The following ADCY6 variants were observed in gnomAD, a reference collection of about 807,000 sequenced individuals.
The protein encoded by ADCY6 is adenylate cyclase 6.
ADCY6 carries 59 observed loss-of-function variants against 111.6 expected under a neutral mutation model. That is an observed-to-expected ratio of 0.53 (90% CI 0.43 to 0.66). The LOEUF is 0.66. ADCY6 is among the 30% of genes least tolerant of loss of function. The pLI, the probability that ADCY6 is intolerant of heterozygous loss-of-function variation, is 0.00. For missense variants in ADCY6, 1,242 were observed against 1,595.6 expected, an observed-to-expected ratio of 0.78 and a Z score of 3.78; for synonymous variants, 576 against 642.9, an observed-to-expected ratio of 0.90 and a Z score of 1.57.
At position 48,776,705 on chromosome 12, in the gene ADCY6, G is replaced by T; in HGVS notation, c.1377-119C>A. 1 of 1,318,866 alleles carries T rather than the reference G, an allele frequency of 7.6e-7. No individual in the cohort carries two copies. The allele number at this position is 1,318,866 out of a possible 1,614,324, so 81.7% of individuals were successfully genotyped here. A position where few individuals can be genotyped will look rare whatever the true frequency, so the allele number is the denominator to read the frequency against. Reference sequence around the variant, plus strand: ...AAGGACAGACCCAGATGCAGGGGACGGGAGCACAGCCTTGGTTGGACATGA... The same window carrying T: ...AAGGACAGACCCAGATGCAGGGGACTGGAGCACAGCCTTGGTTGGACATGA... On this transcript the variant is annotated intron_variant, in intron 6 of 21. Transcript: ENST00000357869. The surrounding 1 kb of genome is among the most constrained non-coding windows in gnomAD (Gnocchi z 6.1).
In ADCY6 at chr12:48,775,048, G is replaced by T. The variant is rs116786357; in HGVS notation, c.1987C>A (p.Arg663=). ...GCTCCGAAGCGGGGATCCACCTTCC[G>T]GGAGTACTGAGGGAGAGGAGGCTGA... is the stretch of plus-strand genomic sequence containing the variant. ...QREDLEKKYS[R]KVDPRFGAYV... The change falls in exon 12 of 22, where the codon CGG becomes AGG. Residue 663 remains arginine (R), a synonymous_variant. Transcript: ENST00000357869. 1.3e-6 allele frequency: 2 copies of T among 1,554,474 alleles called. No individual in the cohort carries two copies. The highest frequency in any genetic ancestry group is 1.7e-4 in the Middle Eastern group (1 of 5,990).
In ADCY6 at chr12:48,775,948, C is replaced by T. The variant is rs1326113713; in HGVS notation, c.1806+15G>A. The T allele has an allele frequency of 3.1e-6, 5 of 1,591,204 alleles. No individual in the cohort carries two copies. The highest frequency in any genetic ancestry group is 3.4e-6 in the Non-Finnish European group (4 of 1,169,142). ...AGAAAATGAGGCCCTAGGTCTGGTGCTGAGGGCCCCTCACCATCTGGCGGA... is the reference window on the plus strand; with the variant it reads ...AGAAAATGAGGCCCTAGGTCTGGTGTTGAGGGCCCCTCACCATCTGGCGGA... On this transcript the variant is annotated intron_variant, in intron 9 of 21. Transcript: ENST00000357869.
chr12:48,779,571 C>G (rs931572344), intron 2 of ADCY6, among the ~76,000 whole-genome samples: 1 of 152,092 alleles, frequency 6.6e-6, no homozygotes, highest in African/African-American at 2.4e-5. Context: ...ACACTCAGCC[C>G]TGCCAGGCCC....
At position 48,776,402 on chromosome 12, in the gene ADCY6, C is replaced by G. The variant is rs747338752; in HGVS notation, c.1535+26G>C. 4.6e-6 allele frequency: 7 copies of G among 1,513,400 alleles called. No homozygotes were observed. The East Asian group carries it at 1.6e-4, about 35-fold the overall frequency. 93.7% of individuals were successfully genotyped at this position (1,513,400 alleles called of 1,614,324 possible). ...CTGGCTCTCCCACCTTGCCCCCATC[C>G]CCCCCACCTGGACCCCCCTACTCAC... On this transcript the variant is annotated intron_variant, in intron 7 of 21. Coordinates refer to ENST00000357869, the MANE Select transcript of ADCY6 (RefSeq NM_015270.5). This position sits in a 1 kb window ranked among gnomAD's most constrained non-coding sequence, Gnocchi z 6.1.
At position 48,783,307 on chromosome 12, in the gene ADCY6, T is replaced by C. The variant is rs1191602870; in HGVS notation, c.128A>G (p.Tyr43Cys). The C allele has an allele frequency of 4.3e-6, 7 of 1,613,440 alleles. No homozygotes were observed. In the East Asian group the frequency reaches 8.9e-5, roughly 21 times the overall value. Residue 43 changes from tyrosine to cysteine, a missense_variant, in exon 2 of 22, where the codon TAT becomes TGT. Tyr to Cys is a radical substitution (Grantham distance 194). Around this residue, in one of 4 missense-constraint regions of ADCY6, gnomAD observed 362 missense variants for 377.2 expected, o/e 0.96. Transcript: ENST00000357869. ...TRAGGFCTPR[Y>C]MSCLRDAEPP... ...CTCTGCATCCCGGAGGCAGCTCATA[T>C]AGCGGGGCGTGCAGAAGCCACCTGC...
Position 48,776,443 on chromosome 12 carries a change from G to C in ADCY6, c.1520C>G (p.Ala507Gly), listed in dbSNP as rs766490509. ...CCCTACTCACCCAGCCCGGCCTCCT[G>C]CCTCCATGTGGTTGGCCAGGGTCAC... ...NDVTLANHME[A>G]GGRAGRIHIT... The change falls in exon 7 of 22, where the codon GCA becomes GGA. Residue 507 changes from alanine (A) to glycine (G), a missense_variant. Around this residue, in one of 4 missense-constraint regions of ADCY6, gnomAD observed 260 missense variants for 414.6 expected, o/e 0.63. Transcript: ENST00000357869. The surrounding 1 kb of genome is among the most constrained non-coding windows in gnomAD (Gnocchi z 6.1). 1 of 1,601,802 alleles carries C rather than the reference G, an allele frequency of 6.2e-7. No individual in the cohort carries two copies. Among genetic ancestry groups the C allele is most frequent in the East Asian group, 2.2e-5 (1 of 44,572 alleles).
Position 48,773,540 on chromosome 12 carries a change from C to T in ADCY6, c.2550G>A (p.Leu850=), listed in dbSNP as rs752689257. The T allele has an allele frequency of 6.2e-7, 1 of 1,614,086 alleles. No homozygotes were observed. ...AMIFVLGLIY[L]VLLLLGPPAT... is the part of the protein sequence containing the mutation. ...CTGGGGGACCCAGCAGAAGCAGCAC[C>T]AAATAGATGAGCCCCAAGACAAAGA... Residue 850 remains leucine (L), a synonymous_variant, in exon 16 of 22, where the codon TTG becomes TTA. Transcript: ENST00000357869.
chr12:48,769,482 G>A (rs569025356), intron 20 of ADCY6, among the ~76,000 whole-genome samples: 2 of 150,556 alleles, frequency 1.3e-5, no homozygotes, highest in African/African-American at 4.9e-5. Context: ...CCTCAGTTTA[G>A]GAGCTCCCCT....
In ADCY6 at chr12:48,776,099, G is replaced by A. The variant is rs1254970521; in HGVS notation, c.1678-8C>T. ...CATGGCCTTCTCCTCTTTCTGTGCG[G>A]GCAGCATGGGTACAGGCTCAGAAGA... On this transcript the variant is annotated splice_polypyrimidine_tract_variant and splice_region_variant and intron_variant, in intron 8 of 21. Coordinates refer to ENST00000357869, the MANE Select transcript of ADCY6 (RefSeq NM_015270.5). This position sits in a 1 kb window ranked among gnomAD's most constrained non-coding sequence, Gnocchi z 6.1. The A allele has an allele frequency of 3.1e-6, 5 of 1,613,780 alleles. No homozygotes were observed. Among genetic ancestry groups the A allele is most frequent in the Non-Finnish European group, 4.2e-6 (5 of 1,179,838 alleles).
chr12:48,781,751 A>G (rs1003096399), intron 2 of ADCY6, among the ~76,000 whole-genome samples: 1 of 152,168 alleles, frequency 6.6e-6, no homozygotes, highest in African/African-American at 2.4e-5. Context: ...GATCCCACAG[A>G]AAAGAATACA....
In ADCY6 at chr12:48,771,109, TG is replaced by T. The variant is rs1941528544; in HGVS notation, c.3052-140del. On this transcript the variant is annotated intron_variant, in intron 19 of 21. Transcript: ENST00000357869. This position sits in a 1 kb window ranked among gnomAD's most constrained non-coding sequence, Gnocchi z 4.3. ...GCCCCCTTCCAGCTGCTGCTATCAG[TG>T]TAAGACTGAGGAGCTGGGAAAACAG... 1 of 852,516 alleles carries T rather than the reference TG, an allele frequency of 1.2e-6. No individual in the cohort carries two copies. Among genetic ancestry groups the T allele is most frequent in the African/African-American group, 1.7e-5 (1 of 59,154 alleles). The allele number at this position is 852,516 out of a possible 1,614,324, so 52.8% of individuals were successfully genotyped here.
intron 1 of ADCY6, among the ~76,000 whole-genome samples, chr12:48,787,537 C>T: frequency 6.6e-6 from 1 of 152,146 alleles, no homozygotes; most frequent in South Asian, 2.1e-4. Context: ...TTTCTGGCAC[C>T]CCATGCCAGA....
In ADCY6 at chr12:48,778,167, G is replaced by T; in HGVS notation, c.955C>A (p.Gln319Lys). 2 of 1,614,084 alleles carry T rather than the reference G, an allele frequency of 1.2e-6. No individual in the cohort carries two copies. The highest frequency in any genetic ancestry group is 2.2e-5 in the East Asian group (1 of 44,872). The change falls in exon 3 of 22, where the codon CAG (glutamine) becomes AAG (lysine). Residue 319 changes from glutamine (Q) to lysine (K), a missense_variant. Physicochemically the swap from Gln to Lys is moderately conservative, Grantham distance 53. Transcript: ENST00000357869. ...GCCTGGATGTAACCGCGGGTCTCCT[G>T]AAAGGCCTGGCGCTGAGACACCTCT... ...PAEVSQRQAF[Q>K]ETRGYIQARL... is the part of the protein sequence containing the mutation.
intron 1 of ADCY6, among the ~76,000 whole-genome samples, chr12:48,785,919 T>C (rs1001328454): frequency 6.6e-6 from 1 of 152,190 alleles, no homozygotes; most frequent in Non-Finnish European, 1.5e-5. Flanking sequence ...CCACATTTCC[T>C]GGAGGAAATG....
intron 10 of ADCY6, 79 bp from the exon 11 acceptor site, chr12:48,775,529 C>A: frequency 6.3e-7 from 1 of 1,595,170 alleles, no homozygotes; most frequent in East Asian, 2.2e-5. Context: ...GTATGGACAG[C>A]ACCTGAGGGA....
Position 48,776,054 on chromosome 12 carries a change from G to T in ADCY6, c.1715C>A (p.Thr572Asn). 2 of 1,613,646 alleles carry T rather than the reference G, an allele frequency of 1.2e-6. No individual in the cohort carries two copies. The highest frequency in any genetic ancestry group is 1.7e-6 in the Non-Finnish European group (2 of 1,179,744). ...CAGCCCTTCCATGGAGTTGGCCCGA[G>T]TCCGCTGCAGCTTGGCCAGCATGGC... is the stretch of plus-strand genomic sequence containing the variant. ...EKAMLAKLQR[T>N]RANSMEGLMP... The change falls in exon 9 of 22, where the codon ACT (threonine) becomes AAT (asparagine). Residue 572 changes from threonine (T) to asparagine (N), a missense_variant. Coordinates refer to ENST00000357869, the MANE Select transcript of ADCY6 (RefSeq NM_015270.5). This position sits in a 1 kb window ranked among gnomAD's most constrained non-coding sequence, Gnocchi z 6.1.
chr12:48,770,204 T>C (rs1263550561), intron 20 of ADCY6, among the ~76,000 whole-genome samples: 1 of 151,918 alleles, frequency 6.6e-6, no homozygotes, highest in Non-Finnish European at 1.5e-5. Flanking sequence ...GCGCCCGGCA[T>C]GGCTTCATCC....
chr12:48,788,485 G>C (rs1942022717), intron 1 of ADCY6, among the ~76,000 whole-genome samples: 1 of 151,956 alleles, frequency 6.6e-6, no homozygotes. Context: ...GGAAGGAGAG[G>C]GACTCCCGCA....
intron 20 of ADCY6, 34 bp downstream of exon 20, chr12:48,770,732 T>C: frequency 6.2e-7 from 1 of 1,603,820 alleles, no homozygotes. Context: ...GAAAAAGTCC[T>C]GGGAAAACCC....
Sources: gnomAD v4.1 joint callset for allele counts (sites outside exome capture counted in the v4.1 genomes callset) on GRCh38, gnomAD v4.1.1 for gene constraint, gnomAD v4.1.1 regional missense constraint, Gnocchi (gnomAD v3.1) non-coding constraint, MANE v1.5 for transcripts, NCBI Gene and HGNC (gene_info 2026-07-23, HGNC 2026-07-21) for gene names.